Variants in NAP1L4 observed in about 807,000 individuals in gnomAD.
The protein encoded by NAP1L4 is nucleosome assembly protein 1-like 4.
Under a neutral mutation model 58.2 loss-of-function variants are expected in NAP1L4, and 15 were observed. The observed-to-expected ratio is 0.26, with a 90% CI of 0.17 to 0.40. The LOEUF (loss-of-function observed/expected upper bound fraction) is 0.40. Among genes scored for constraint, NAP1L4 ranks in the 10% least tolerant of loss-of-function variants. NAP1L4 has a pLI of 1.00. For missense variants in NAP1L4, 384 were observed against 451.1 expected (o/e 0.85, Z 1.35); for synonymous variants, 171 against 155.6 (o/e 1.10, Z -0.74).
intron 8 of NAP1L4, among the ~76,000 whole-genome samples, chr11:2,961,186 A>C (rs1271976925): frequency 1.3e-5 from 2 of 152,266 alleles, no homozygotes; most frequent in Non-Finnish European, 2.9e-5. Context: ...ACATTCAAAC[A>C]AACCACTTGC....
At position 2,971,481 on chromosome 11, in the gene NAP1L4, C is replaced by G. The variant is rs1847632964; in HGVS notation, c.369G>C (p.Trp123Cys). The change falls in exon 6 of 16, where the codon TGG (tryptophan) becomes TGC (cysteine). Residue 123 changes from tryptophan (W) to cysteine (C), a missense_variant. This residue lies in a region of NAP1L4 where 296 missense variants were observed against 360.8 expected (regional missense o/e 0.82). Coordinates refer to ENST00000380542, the MANE Select transcript of NAP1L4 (RefSeq NM_005969.4). This position sits in a 1 kb window ranked among gnomAD's most constrained non-coding sequence, Gnocchi z 4.2. The stretch of plus-strand genomic sequence containing the variant: ...TCTCTTCCTCTTCATTTTCACTGTG[C>G]CATTCCGATTCCGCATCTGTTGGTT... ...DVEPTDAESE[W>C]HSENEEEEKL... is the part of the protein sequence containing the mutation. The G allele has an allele frequency of 6.2e-7, 1 of 1,613,870 alleles. No homozygotes were observed. Among genetic ancestry groups the G allele is most frequent in the Non-Finnish European group, 8.5e-7 (1 of 1,180,026 alleles).
intron 1 of NAP1L4, among the ~76,000 whole-genome samples, chr11:2,988,959 G>A (rs1285216574): frequency 1.3e-5 from 2 of 152,170 alleles, no homozygotes; most frequent in East Asian, 3.8e-4. Context: ...GAAAACCAAT[G>A]ACTGCCAGAT....
intron 2 of NAP1L4, among the ~76,000 whole-genome samples, chr11:2,978,932 G>A (rs959780928): frequency 2.0e-5 from 3 of 152,158 alleles, no homozygotes; most frequent in Non-Finnish European, 4.4e-5. Context: ...ACTGTTAGGA[G>A]AGTGTCAAAA....
At chr11:2,972,535 T>A (rs1266668646) in intron 4 of NAP1L4, among the ~76,000 whole-genome samples, 1 of 152,236 alleles carries the variant, frequency 6.6e-6, no homozygotes, top group African/African-American at 2.4e-5. Context: ...CAGCTTTTCC[T>A]TACCAAATTG....
Position 2,955,258 on chromosome 11 carries a change from G to A in NAP1L4, c.915+486C>T, listed in dbSNP as rs559994987. ...CTGTCGCCCAATGGAATACGGTGGT[G>A]CAATCTCAGCTCACTGCAACCTCCT... On this transcript the variant is annotated intron_variant, in intron 11 of 15. Coordinates refer to ENST00000380542, the MANE Select transcript of NAP1L4 (RefSeq NM_005969.4). The surrounding 1 kb of genome is among the most constrained non-coding windows in gnomAD (Gnocchi z 4.2). 3.3e-5 allele frequency among the ~76,000 whole-genome samples: 5 copies of A among 152,000 alleles called. No individual in the cohort carries two copies. Among genetic ancestry groups the A allele is most frequent in the Non-Finnish European group, 7.4e-5 (5 of 68,010 alleles).
intron 9 of NAP1L4, 163 bp from the exon 10 acceptor site, chr11:2,958,707 C>G (rs898403119): frequency 1.5e-6 from 1 of 670,532 alleles, no homozygotes; most frequent in Non-Finnish European, 2.5e-6. Context: ...TGGAGGTTGG[C>G]AAAAAGAGAA....
At chr11:2,977,479 G>A (rs563772933) in intron 3 of NAP1L4, among the ~76,000 whole-genome samples, 1 of 152,314 alleles carries the variant, frequency 6.6e-6, no homozygotes, top group Non-Finnish European at 1.5e-5. Context: ...TAAGACAACA[G>A]TGGCCCAGAG....
chr11:2,953,442 T>G (rs906593541), intron 12 of NAP1L4, among the ~76,000 whole-genome samples: 10 of 152,218 alleles, frequency 6.6e-5, no homozygotes, highest in Admixed American at 1.3e-4. Flanking sequence ...TTTCAAGTCC[T>G]CAAGTGGTCA....
Position 2,954,758 on chromosome 11 carries a change from C to T in NAP1L4, c.916-112G>A. 1 of 1,369,468 alleles carries T rather than the reference C, an allele frequency of 7.3e-7. No homozygotes were observed. Among genetic ancestry groups the T allele is most frequent in the Non-Finnish European group, 1.0e-6 (1 of 971,562 alleles). The allele number at this position is 1,369,468 out of a possible 1,614,324, so 84.8% of individuals were successfully genotyped here. The stretch of plus-strand genomic sequence containing the variant: ...CTTTTGATTTACTTAACTTAAAACA[C>T]CAAACTCCTGCACTGCTGGGGGACA... On this transcript the variant is annotated intron_variant, in intron 11 of 15. Transcript: ENST00000380542. The surrounding 1 kb of genome is among the most constrained non-coding windows in gnomAD (Gnocchi z 4.8).
intron 8 of NAP1L4, chr11:2,960,125 G>T: frequency 2.0e-6 from 1 of 506,326 alleles, no homozygotes; most frequent in Non-Finnish European, 3.5e-6. Flanking sequence ...TCATGAGTAA[G>T]GGGCATGTTC....
chr11:2,988,345 T>G (rs1848767388), intron 1 of NAP1L4, among the ~76,000 whole-genome samples: 1 of 152,206 alleles, frequency 6.6e-6, no homozygotes, highest in African/African-American at 2.4e-5. Flanking sequence ...CCTCTCTACC[T>G]ATTTCATATT....
chr11:2,990,689 G>A (rs1848910755), intron 1 of NAP1L4: 1 of 157,936 alleles, frequency 6.3e-6, no homozygotes, highest in African/African-American at 2.4e-5. Context: ...GGGTCTTTAA[G>A]CTTTGTCACC....
chr11:2,958,137 C>G (rs570468146), intron 10 of NAP1L4: 3 of 643,508 alleles, frequency 4.7e-6, no homozygotes, highest in African/African-American at 1.8e-5. Flanking sequence ...AAGTTTTTGC[C>G]TGGGCTACAG....
chr11:2,945,659 A>G lies in NAP1L4; in HGVS notation c.*33-13T>C. On this transcript the variant is annotated splice_polypyrimidine_tract_variant and intron_variant, in intron 15 of 15. Transcript: ENST00000380542. ...GGCTGGGTTCCTTCTGTCAATGAAA[A>G]AGACAAGGCTTGTAGAGAGCAAAGC... The G allele has an allele frequency of 6.5e-7, 1 of 1,535,860 alleles. No homozygotes were observed. The highest frequency in any genetic ancestry group is 8.7e-7 in the Non-Finnish European group (1 of 1,146,710).
intron 10 of NAP1L4, among the ~76,000 whole-genome samples, chr11:2,957,791 G>T (rs534917863): frequency 6.6e-6 from 1 of 152,132 alleles, no homozygotes; most frequent in Non-Finnish European, 1.5e-5. Context: ...TGATTCTGCC[G>T]ATGTTTTTCA....
In NAP1L4 at chr11:2,969,810, A is replaced by G; in HGVS notation, c.527T>C (p.Leu176Ser). ...IFRNVDMLSE[L>S]VQEYDEPILK... The stretch of plus-strand genomic sequence containing the variant: ...AGACAGAAGTGTGCTTACCTGGACT[A>G]ATTCACTCAGCATGTCCACATTTCT... Residue 176 changes from leucine to serine, a missense_variant, in exon 7 of 16, where the codon TTA (leucine) becomes TCA (serine). By Grantham distance (145) the Leu-to-Ser change is moderately radical (BLOSUM62 -2). This residue lies in a region of NAP1L4 where 296 missense variants were observed against 360.8 expected (regional missense o/e 0.82). Coordinates refer to ENST00000380542, the MANE Select transcript of NAP1L4 (RefSeq NM_005969.4). 1.2e-6 allele frequency: 2 copies of G among 1,612,182 alleles called. No individual in the cohort carries two copies. The highest frequency in any genetic ancestry group is 1.7e-6 in the Non-Finnish European group (2 of 1,179,190).
In NAP1L4 at chr11:2,972,991, T is replaced by A. The variant is rs567710389; in HGVS notation, c.174-748A>T. On this transcript the variant is annotated intron_variant, in intron 4 of 15. Transcript: ENST00000380542. Reference sequence around the variant, plus strand: ...ATCTTACCAAAAGGAAAAAAAAAAATTTATCCTAATCAAGTATTTATGCTG... The same window carrying A: ...ATCTTACCAAAAGGAAAAAAAAAAAATTATCCTAATCAAGTATTTATGCTG... Among the ~76,000 whole-genome samples the A allele has an allele frequency of 5.1e-3, 781 of 152,012 alleles. 3 individuals are homozygous for A. Among genetic ancestry groups the A allele is most frequent in the Non-Finnish European group, 8.0e-3 (543 of 67,958 alleles).
At chr11:2,953,200 G>C (rs1012338262) in intron 12 of NAP1L4, among the ~76,000 whole-genome samples, 4 of 152,218 alleles carry the variant, frequency 2.6e-5, no homozygotes, top group African/African-American at 9.7e-5. Flanking sequence ...TATTGTGAAT[G>C]AAACGCACAT....
intron 6 of NAP1L4, 104 bp from the exon 7 acceptor site, chr11:2,970,038 A>T: frequency 8.2e-7 from 1 of 1,225,288 alleles, no homozygotes; most frequent in Non-Finnish European, 1.1e-6. Flanking sequence ...CTCCCATCAA[A>T]CACCTTGCTT....
Sources: allele counts gnomAD v4.1 joint callset (sites outside exome capture counted in the v4.1 genomes callset), GRCh38; gene constraint gnomAD v4.1.1; regional missense constraint gnomAD v4.1.1; non-coding constraint Gnocchi (gnomAD v3.1); transcripts MANE v1.5; gene names NCBI Gene and HGNC (gene_info 2026-07-23, HGNC 2026-07-21).